CLSTN2: variants seen among roughly 807,000 people sequenced by gnomAD.
CLSTN2 encodes calsyntenin 2.
A neutral mutation model predicts 101.2 loss-of-function variants in CLSTN2; 48 were observed. The observed-to-expected ratio is 0.47, with a 90% CI of 0.38 to 0.60. The LOEUF (loss-of-function observed/expected upper bound fraction) is 0.60, where lower values mean the gene tolerates loss of function less well. CLSTN2 is among the 20% of genes least tolerant of loss of function. CLSTN2 has a pLI of 0.00. For missense variants in CLSTN2, 1,160 were observed against 1,238.2 expected, an observed-to-expected ratio of 0.94 and a Z score of 0.95; for synonymous variants, 481 against 463.6, an observed-to-expected ratio of 1.04 and a Z score of -0.48.
intron 8 of CLSTN2, chr3:140,508,014 G>C (rs1485118154): frequency 6.6e-6 from 1 of 152,216 alleles, no homozygotes; most frequent in Non-Finnish European, 1.5e-5. Flanking sequence ...CTACCTTTCA[G>C]TGGAAATCCA....
chr3:140,158,619 G>A (rs890131003), intron 1 of CLSTN2, among the ~76,000 whole-genome samples: 1 of 151,930 alleles, frequency 6.6e-6, no homozygotes, highest in South Asian at 2.1e-4. Context: ...CCATATTGCT[G>A]AAAACAGTTT....
At chr3:140,109,885 C>A (rs1009661190) in intron 1 of CLSTN2, among the ~76,000 whole-genome samples, 2 of 152,150 alleles carry the variant, frequency 1.3e-5, no homozygotes, top group African/African-American at 4.8e-5. Context: ...TCATGCTCCT[C>A]TCTGTGGCTT....
intron 1 of CLSTN2, among the ~76,000 whole-genome samples, chr3:140,097,066 C>T (rs1257947781): frequency 6.6e-6 from 1 of 152,194 alleles, no homozygotes; most frequent in Non-Finnish European, 1.5e-5. Flanking sequence ...TCTCAGAACT[C>T]TCCCAGCCCC....
chr3:140,012,091 G>C (rs2007088008), intron 1 of CLSTN2, among the ~76,000 whole-genome samples: 1 of 152,160 alleles, frequency 6.6e-6, no homozygotes, highest in Non-Finnish European at 1.5e-5. Context: ...GCACAAGGAA[G>C]ATGGACGGGA....
intron 2 of CLSTN2, among the ~76,000 whole-genome samples, chr3:140,225,001 C>T (rs866491908): frequency 1.2e-4 from 18 of 152,228 alleles, no homozygotes; most frequent in East Asian, 1.9e-4. Context: ...CCAGCAAGTG[C>T]GCCAGCCAGC....
At chr3:140,479,324 T>G (rs1934061497) in intron 8 of CLSTN2, among the ~76,000 whole-genome samples, 1 of 152,166 alleles carries the variant, frequency 6.6e-6, no homozygotes, top group Non-Finnish European at 1.5e-5. Context: ...CACACCTCTA[T>G]AAAGGATAAA....
chr3:140,179,344 T>G (rs1273093061), intron 2 of CLSTN2, among the ~76,000 whole-genome samples: 1 of 151,166 alleles, frequency 6.6e-6, no homozygotes, highest in Admixed American at 6.6e-5. Context: ...GTGATCATGC[T>G]GGGTGCTCAT....
intron 2 of CLSTN2, among the ~76,000 whole-genome samples, chr3:140,286,355 T>C (rs1360411268): frequency 1.3e-5 from 2 of 152,152 alleles, no homozygotes; most frequent in African/African-American, 2.4e-5. Context: ...ATCAGTTAAG[T>C]GTTTATCGAT....
At chr3:140,463,620 C>G (rs966678340) in intron 7 of CLSTN2, among the ~76,000 whole-genome samples, 1 of 152,176 alleles carries the variant, frequency 6.6e-6, no homozygotes, top group African/African-American at 2.4e-5. Context: ...AGGCCTGACT[C>G]ATGTCAAGTT....
At chr3:139,979,593 G>A (rs542864248) in intron 1 of CLSTN2, among the ~76,000 whole-genome samples, 1 of 152,152 alleles carries the variant, frequency 6.6e-6, no homozygotes, top group South Asian at 2.1e-4. Flanking sequence ...CTGCAAGAGG[G>A]GAGCTTTTAC....
chr3:140,010,467 A>G (rs2007049998), intron 1 of CLSTN2, among the ~76,000 whole-genome samples: 2 of 152,112 alleles, frequency 1.3e-5, no homozygotes, highest in Non-Finnish European at 2.9e-5. Flanking sequence ...CTCCTCTCTG[A>G]TCAGAGGAAT....
chr3:139,984,475 C>G (rs1398033675), intron 1 of CLSTN2, among the ~76,000 whole-genome samples: 1 of 152,130 alleles, frequency 6.6e-6, no homozygotes, highest in Non-Finnish European at 1.5e-5. Flanking sequence ...TCCAAGGATT[C>G]TTCTTCATTC....
chr3:139,974,532 A>G lies in CLSTN2; in HGVS notation c.109+39049A>G, dbSNP rs556534180. Among the ~76,000 whole-genome samples, 3 of 152,324 alleles carry G rather than the reference A, an allele frequency of 2.0e-5. No individual in the cohort carries two copies. The East Asian group carries it at 5.8e-4, about 29-fold the overall frequency. Reference sequence around the variant, plus strand: ...AGCAAAGGGGAGATGGGGTGTCTGGAAGAAAAGCAACGTTTCCAGGGAGCT... The same window carrying G: ...AGCAAAGGGGAGATGGGGTGTCTGGGAGAAAAGCAACGTTTCCAGGGAGCT... On this transcript the variant is annotated intron_variant, in intron 1 of 16. Transcript: ENST00000458420.
intron 4 of CLSTN2, among the ~76,000 whole-genome samples, chr3:140,416,974 A>C (rs1208336238): frequency 6.6e-6 from 1 of 152,232 alleles, no homozygotes; most frequent in East Asian, 1.9e-4. Flanking sequence ...CTTATTTCCC[A>C]TATGAATGGA....
Position 139,945,249 on chromosome 3 carries a change from A to G in CLSTN2, c.109+9766A>G, listed in dbSNP as rs148787724. ...CTCATGTGACCTAGATCCACTGATG[A>G]GTTGTGAGGTTCAGGGCAAATCACT... is the stretch of plus-strand genomic sequence containing the variant. On this transcript the variant is annotated intron_variant, in intron 1 of 16. Coordinates refer to ENST00000458420, the MANE Select transcript of CLSTN2 (RefSeq NM_022131.3). 9.7e-3 allele frequency among the ~76,000 whole-genome samples: 1,472 copies of G among 152,318 alleles called. 17 individuals carry two copies. Among genetic ancestry groups the G allele is most frequent in the Middle Eastern group, 0.034 (10 of 294 alleles).
intron 6 of CLSTN2, 78 bp from the exon 7 acceptor site, chr3:140,459,443 C>T (rs1933500947): frequency 1.3e-6 from 2 of 1,533,688 alleles, no homozygotes; most frequent in Non-Finnish European, 8.9e-7. Flanking sequence ...CTGAGTAGTT[C>T]ACCTTGACCC....
At chr3:139,979,124 G>A (rs148242752) in intron 1 of CLSTN2, among the ~76,000 whole-genome samples, 2 of 152,212 alleles carry the variant, frequency 1.3e-5, no homozygotes, top group South Asian at 2.1e-4. Flanking sequence ...CTTGACCCTG[G>A]TTTCTGAGAC....
At chr3:140,119,280 T>A (rs761648560) in intron 1 of CLSTN2, among the ~76,000 whole-genome samples, 2 of 152,178 alleles carry the variant, frequency 1.3e-5, no homozygotes, top group African/African-American at 4.8e-5. Flanking sequence ...CAACCAGTAA[T>A]TGGTAATGAG....
At chr3:140,548,527 T>A (rs2107787767) in intron 10 of CLSTN2, among the ~76,000 whole-genome samples, 1 of 152,180 alleles carries the variant, frequency 6.6e-6, no homozygotes, top group Non-Finnish European at 1.5e-5. Context: ...TGATGAGGCC[T>A]GAGTAGAATG....
Sources: allele counts gnomAD v4.1 joint callset (sites outside exome capture counted in the v4.1 genomes callset), GRCh38; gene constraint gnomAD v4.1.1; transcripts MANE v1.5; gene names NCBI Gene and HGNC (gene_info 2026-07-23, HGNC 2026-07-21).